FER1L5: variants seen among roughly 807,000 people sequenced by gnomAD.
The protein encoded by FER1L5 is fer-1-like protein 5.
In FER1L5, 187 loss-of-function variants were observed where a neutral mutation model predicts 279.9. The observed-to-expected ratio is 0.67, with a 90% CI of 0.59 to 0.75. The LOEUF is 0.75. Among genes scored for constraint, FER1L5 ranks in the 30% least tolerant of loss-of-function variants. The pLI is 0.00. For missense variants in FER1L5, 2,091 were observed against 2,594.4 expected (o/e 0.81, Z 4.21); for synonymous variants, 921 against 989.7 (o/e 0.93, Z 1.30).
chr2:96,651,810 C>T (rs1029919874), intron 6 of FER1L5, 82 bp from the exon 7 acceptor site: 73 of 1,536,720 alleles, frequency 4.8e-5, no homozygotes, highest in Admixed American at 2.4e-4. Flanking sequence ...TGCACCTGGC[C>T]TAGAATGTTT....
chr2:96,694,695 T>C lies in FER1L5; in HGVS notation c.3741+231T>C, dbSNP rs1335310117. 2.4e-6 allele frequency: 1 copy of C among 411,054 alleles called. No individual in the cohort carries two copies. The highest frequency in any genetic ancestry group is 4.3e-6 in the Non-Finnish European group (1 of 233,194). 25.5% of individuals were successfully genotyped at this position (411,054 alleles called of 1,614,324 possible). On this transcript the variant is annotated intron_variant, in intron 34 of 52. Transcript: ENST00000624922. The surrounding 1 kb of genome is among the most constrained non-coding windows in gnomAD (Gnocchi z 4.6). ...GAGGAGTAGGCAAAGGGCTGTAGCA[T>C]GCATGATCACTTGTGGGACTCACGC...
At position 96,651,986 on chromosome 2, in the gene FER1L5, G is replaced by T; in HGVS notation, c.599G>T (p.Arg200Leu). 2 of 1,551,796 alleles carry T rather than the reference G, an allele frequency of 1.3e-6. No homozygotes were observed. The highest frequency in any genetic ancestry group is 1.7e-6 in the Non-Finnish European group (2 of 1,147,004). Residue 200 changes from arginine to leucine, a missense_variant, in exon 7 of 53, where the codon CGC (arginine) becomes CTC (leucine). Coordinates refer to ENST00000624922, the MANE Select transcript of FER1L5 (RefSeq NM_001293083.2). ...VSIAGQQHQTRIKMGNNPFFN... is the reference protein window; with the variant it reads ...VSIAGQQHQTLIKMGNNPFFN... ...ATCGCAGGCCAGCAGCACCAGACAC[G>T]CATCAAGATGGGAAACAACCCTTTC...
intron 2 of FER1L5, among the ~76,000 whole-genome samples, 191 bp downstream of exon 2, chr2:96,646,644 C>G (rs2075143490): frequency 6.6e-6 from 1 of 152,150 alleles, no homozygotes; most frequent in Admixed American, 6.5e-5. Context: ...CACACCTGCC[C>G]ACGACTGTTC....
rs575256855 is a variant in FER1L5, at chr2:96,683,951, C to T, written c.1670-376C>T. Reference sequence around the variant, plus strand: ...CCCCTGCCCCCGTCCCACCCAGAGGCGTGCCCCGTGCCCCTACACCTGGCA... The same window carrying T: ...CCCCTGCCCCCGTCCCACCCAGAGGTGTGCCCCGTGCCCCTACACCTGGCA... On this transcript the variant is annotated intron_variant, in intron 19 of 52. Transcript: ENST00000624922. Among the ~76,000 whole-genome samples the T allele has an allele frequency of 3.3e-5, 5 of 152,232 alleles. No individual in the cohort carries two copies. In the East Asian group the frequency reaches 5.8e-4, roughly 18 times the overall value.
intron 18 of FER1L5, among the ~76,000 whole-genome samples, chr2:96,672,577 A>T (rs775302913): frequency 1.3e-5 from 2 of 152,068 alleles, no homozygotes; most frequent in Non-Finnish European, 2.9e-5. Context: ...CCAAGAAAGC[A>T]CTTGGTGAGA....
At chr2:96,657,228 C>G (rs570740785) in intron 9 of FER1L5, among the ~76,000 whole-genome samples, 2 of 151,890 alleles carry the variant, frequency 1.3e-5, no homozygotes, top group Non-Finnish European at 2.9e-5. Flanking sequence ...GCACGTGCCA[C>G]CATGCCCAGC....
Position 96,698,956 on chromosome 2 carries a change from G to C in FER1L5, c.4519-89G>C. 2 of 1,531,440 alleles carry C rather than the reference G, an allele frequency of 1.3e-6. No individual in the cohort carries two copies. Among genetic ancestry groups the C allele is most frequent in the Admixed American group, 3.9e-5 (2 of 50,892 alleles). The allele number at this position is 1,531,440 out of a possible 1,614,324, so 94.9% of individuals were successfully genotyped here. A position where few individuals can be genotyped will look rare whatever the true frequency, so the allele number is the denominator to read the frequency against. ...CCCATAGGCTCCGTGTGGTGCGAGG[G>C]GCTTGTTTCCACCCTCCTCCCACCC... is the stretch of plus-strand genomic sequence containing the variant. On this transcript the variant is annotated intron_variant, in intron 41 of 52. Transcript: ENST00000624922. The surrounding 1 kb of genome is among the most constrained non-coding windows in gnomAD (Gnocchi z 5.5).
intron 6 of FER1L5, 29 bp from the exon 7 acceptor site, chr2:96,651,863 T>A: frequency 1.9e-6 from 3 of 1,551,848 alleles, no homozygotes; most frequent in African/African-American, 2.7e-5. Flanking sequence ...AGGCCCTCAA[T>A]ATCAGCTCCC....
At chr2:96,655,786 T>C (rs2075574969) in intron 9 of FER1L5, among the ~76,000 whole-genome samples, 1 of 152,192 alleles carries the variant, frequency 6.6e-6, no homozygotes, top group Non-Finnish European at 1.5e-5. Flanking sequence ...CCCGGCTCAC[T>C]GCAGCCTTGA....
chr2:96,687,740 A>G, intron 23 of FER1L5, 76 bp from the exon 24 acceptor site: 2 of 1,528,644 alleles, frequency 1.3e-6, no homozygotes, highest in Non-Finnish European at 1.8e-6. Flanking sequence ...GGGCAGGTAC[A>G]GCCCACTTGG....
intron 45 of FER1L5, among the ~76,000 whole-genome samples, chr2:96,701,155 C>G (rs2077573262): frequency 6.6e-6 from 1 of 152,108 alleles, no homozygotes; most frequent in African/African-American, 2.4e-5. Flanking sequence ...ACTAAAAATA[C>G]AAAAATTAGC....
chr2:96,690,111 C>T (rs116001600), intron 26 of FER1L5, among the ~76,000 whole-genome samples: 3,461 of 152,256 alleles, frequency 0.023, 156 homozygotes, highest in African/African-American at 0.08. Flanking sequence ...TATATCTGCA[C>T]GTGTGGCTAT....
intron 1 of FER1L5, among the ~76,000 whole-genome samples, chr2:96,644,275 G>C (rs1421656442): frequency 6.6e-6 from 1 of 150,968 alleles, no homozygotes; most frequent in Non-Finnish European, 1.5e-5. Context: ...TCAGGAGATA[G>C]AGACCATCCT....
chr2:96,645,207 A>C (rs1210938273), intron 1 of FER1L5, among the ~76,000 whole-genome samples: 9 of 152,120 alleles, frequency 5.9e-5, no homozygotes. Flanking sequence ...GTGGGTTAAC[A>C]ATAAAAGTTT....
At position 96,704,211 on chromosome 2, in the gene FER1L5, A is replaced by ATGTCACCCC. The variant is rs761541159; in HGVS notation, c.5802-4_5802-3insTGTCACCCC. 6.8e-6 allele frequency: 11 copies of ATGTCACCCC among 1,613,738 alleles called. No homozygotes were observed. Among genetic ancestry groups the ATGTCACCCC allele is most frequent in the Non-Finnish European group, 9.3e-6 (11 of 1,179,842 alleles). ...TCTCTGACATCTCCCTGGCTCCTGG[A>ATGTCACCCC]CAGACGCACCAACACCTCTTTCACG... On this transcript the variant is annotated splice_region_variant and splice_polypyrimidine_tract_variant and intron_variant, in intron 51 of 52. Coordinates refer to ENST00000624922, the MANE Select transcript of FER1L5 (RefSeq NM_001293083.2).
At chr2:96,651,452 TTTC>T (rs1275127249) in intron 6 of FER1L5, among the ~76,000 whole-genome samples, 1 of 150,272 alleles carries the variant, frequency 6.7e-6, no homozygotes, top group African/African-American at 2.5e-5. Flanking sequence ...TCTTTCTTTC[TTTC>T]TTTTCCTTCC....
chr2:96,685,262 C>T, intron 20 of FER1L5, 67 bp from the exon 21 acceptor site: 1 of 1,404,070 alleles, frequency 7.1e-7, no homozygotes, highest in South Asian at 1.2e-5. Context: ...CCAATCAGCC[C>T]TGTGGCCTGT....
intron 1 of FER1L5, 87 bp downstream of exon 1, chr2:96,643,008 C>A: frequency 8.5e-7 from 1 of 1,175,492 alleles, no homozygotes; most frequent in Non-Finnish European, 1.2e-6. Context: ...TGGCACCCCA[C>A]TACATAAAAG....
chr2:96,645,594 C>T (rs2075085152), intron 1 of FER1L5, among the ~76,000 whole-genome samples: 1 of 152,098 alleles, frequency 6.6e-6, no homozygotes, highest in Non-Finnish European at 1.5e-5. Context: ...TTGAGACCAG[C>T]CTGGGTGACA....
Sources: allele counts gnomAD v4.1 joint callset (sites outside exome capture counted in the v4.1 genomes callset), GRCh38; gene constraint gnomAD v4.1.1; non-coding constraint Gnocchi (gnomAD v3.1); transcripts MANE v1.5; gene names NCBI Gene and HGNC (gene_info 2026-07-23, HGNC 2026-07-21).